WDR33: variants seen among roughly 807,000 people sequenced by gnomAD.
WDR33 encodes the protein pre-mRNA 3' end processing protein WDR33.
Under a neutral mutation model 164.9 loss-of-function variants are expected in WDR33, and 47 were observed. The observed-to-expected ratio is 0.29, with a 90% CI of 0.23 to 0.36. The LOEUF is 0.36. Ranked by LOEUF, WDR33 falls within the 10% of genes least tolerant of loss-of-function variation. The pLI, the probability that WDR33 is intolerant of heterozygous loss-of-function variation, is 1.00. For synonymous variants in WDR33, 505 were observed against 589.0 expected, an observed-to-expected ratio of 0.86 and a Z score of 2.06; for missense variants, 1,137 against 1,754.1, an observed-to-expected ratio of 0.65 and a Z score of 6.28.
Position 127,708,659 on chromosome 2 carries a change from C to T in WDR33, c.3781+18G>A. ...GCCCCTGCATCTCCTGGAACCATAA[C>T]CACTGGCCTGCTCTTACCTTTGCCT... is the stretch of plus-strand genomic sequence containing the variant. On this transcript the variant is annotated intron_variant, in intron 21 of 21. Transcript: ENST00000322313. The surrounding 1 kb of genome is among the most constrained non-coding windows in gnomAD (Gnocchi z 6.7). 1 of 1,572,732 alleles carries T rather than the reference C, an allele frequency of 6.4e-7. No homozygotes were observed. The highest frequency in any genetic ancestry group is 1.2e-5 in the South Asian group (1 of 85,390).
intron 1 of WDR33, among the ~76,000 whole-genome samples, chr2:127,777,179 T>C (rs1319466172): frequency 6.6e-6 from 1 of 152,222 alleles, no homozygotes; most frequent in Non-Finnish European, 1.5e-5. Context: ...AAACACTGAA[T>C]TCATCATGCC....
rs891230150 is a variant in WDR33, at chr2:127,773,254, A to C, written c.-23-2250T>G. 3.9e-5 allele frequency among the ~76,000 whole-genome samples: 6 copies of C among 152,180 alleles called. No individual in the cohort carries two copies. The East Asian group carries it at 1.2e-3, about 29-fold the overall frequency. On this transcript the variant is annotated intron_variant, in intron 1 of 21. Transcript: ENST00000322313. ...ACCAGAAAAGATTGTGGCCACCATT[A>C]TTTGTCTGTATTCTTAAAACTGCCT...
chr2:127,806,210 C>CTTTTTTTT (rs200197402), intron 1 of WDR33, among the ~76,000 whole-genome samples: 1 of 132,928 alleles, frequency 7.5e-6, no homozygotes, highest in African/African-American at 2.8e-5. Context: ...TTTTCTTTTT[C>CTTTTTTTT]TTTTTTTTTT....
At chr2:127,731,008 A>C (rs1686691762) in intron 7 of WDR33, among the ~76,000 whole-genome samples, 1 of 152,122 alleles carries the variant, frequency 6.6e-6, no homozygotes, top group Admixed American at 6.5e-5. Context: ...AATTAACAAA[A>C]ATTGATCAGG....
At chr2:127,771,987 G>A (rs182947972) in intron 1 of WDR33, among the ~76,000 whole-genome samples, 31 of 152,256 alleles carry the variant, frequency 2.0e-4, no homozygotes, top group Admixed American at 1.6e-3. Context: ...ACTGGGAATT[G>A]TTCACTTTTT....
chr2:127,777,625 G>A (rs756576155), intron 1 of WDR33, among the ~76,000 whole-genome samples: 3 of 152,158 alleles, frequency 2.0e-5, no homozygotes, highest in Non-Finnish European at 2.9e-5. Context: ...CTATACCAAC[G>A]TTATAATTCT....
chr2:127,798,192 A>C (rs1471092456), intron 1 of WDR33, among the ~76,000 whole-genome samples: 2 of 149,544 alleles, frequency 1.3e-5, no homozygotes, highest in African/African-American at 2.5e-5. Flanking sequence ...ACATGGTGAA[A>C]CCCTGTCTCT....
intron 7 of WDR33, among the ~76,000 whole-genome samples, chr2:127,740,686 G>A (rs1220775877): frequency 3.9e-5 from 6 of 152,158 alleles, no homozygotes; most frequent in African/African-American, 1.2e-4. Flanking sequence ...TTAAGAAATG[G>A]AAAAATGATG....
At chr2:127,707,239 AAAAAAAG>A (rs1347347585) in intron 21 of WDR33, among the ~76,000 whole-genome samples, 3 of 151,442 alleles carry the variant, frequency 2.0e-5, no homozygotes, top group Admixed American at 6.6e-5. Context: ...TAAAAAAAAA[AAAAAAAG>A]AAAAAAAAGA....
intron 7 of WDR33, among the ~76,000 whole-genome samples, chr2:127,756,164 T>C (rs1222985054): frequency 1.3e-5 from 2 of 151,980 alleles, no homozygotes; most frequent in Admixed American, 1.3e-4. Flanking sequence ...TGAAACGCTG[T>C]CTCCACTAAA....
At chr2:127,803,845 G>C (rs1217804996) in intron 1 of WDR33, among the ~76,000 whole-genome samples, 2 of 150,876 alleles carry the variant, frequency 1.3e-5, no homozygotes, top group East Asian at 3.9e-4. Flanking sequence ...GTGCTTGGGA[G>C]ACTGAGGTAG....
At chr2:127,761,126 T>C (rs906411403) in intron 7 of WDR33, among the ~76,000 whole-genome samples, 1 of 152,186 alleles carries the variant, frequency 6.6e-6, no homozygotes, top group Non-Finnish European at 1.5e-5. Context: ...CTTTTTAAAA[T>C]CCAAGCAGCA....
Position 127,722,765 on chromosome 2 carries a change from A to G in WDR33, c.1379-35T>C. ...TAAAGAAAAGTGGTTTGCCTCTTAA[A>G]TAAAAGAAATTGGCCACTTGATCAA... On this transcript the variant is annotated intron_variant, in intron 13 of 21. Coordinates refer to ENST00000322313, the MANE Select transcript of WDR33 (RefSeq NM_018383.5). This position sits in a 1 kb window ranked among gnomAD's most constrained non-coding sequence, Gnocchi z 5.1. The G allele has an allele frequency of 6.2e-7, 1 of 1,602,038 alleles. No individual in the cohort carries two copies. The highest frequency in any genetic ancestry group is 1.3e-5 in the African/African-American group (1 of 74,324).
In WDR33 at chr2:127,770,293, AG is replaced by A. The variant is rs1423272251; in HGVS notation, c.204+484del. 1.1e-4 allele frequency among the ~76,000 whole-genome samples: 16 copies of A among 152,246 alleles called. No individual in the cohort carries two copies. ...AATTTTATAAAGTATTAGTGGTTTG[AG>A]GTTCTTCCTAAATTAGCCAATTTGA... On this transcript the variant is annotated intron_variant, in intron 2 of 21. Coordinates refer to ENST00000322313, the MANE Select transcript of WDR33 (RefSeq NM_018383.5). The surrounding 1 kb of genome is among the most constrained non-coding windows in gnomAD (Gnocchi z 4.9).
chr2:127,722,579 A>G lies in WDR33; in HGVS notation c.1518+12T>C. ...CTCTCTGCGTGGATGAGGTGGAGTC[A>G]CTTTTACTTACCTGCTGGAACTGAG... On this transcript the variant is annotated intron_variant, in intron 14 of 21. Coordinates refer to ENST00000322313, the MANE Select transcript of WDR33 (RefSeq NM_018383.5). The surrounding 1 kb of genome is among the most constrained non-coding windows in gnomAD (Gnocchi z 5.1). 1 of 1,611,216 alleles carries G rather than the reference A, an allele frequency of 6.2e-7. No individual in the cohort carries two copies. The highest frequency in any genetic ancestry group is 8.5e-7 in the Non-Finnish European group (1 of 1,179,158).
chr2:127,778,538 G>A (rs1688265149), intron 1 of WDR33, among the ~76,000 whole-genome samples: 1 of 151,810 alleles, frequency 6.6e-6, no homozygotes, highest in Non-Finnish European at 1.5e-5. Flanking sequence ...CACACATTCT[G>A]TTCTCAAGAG....
rs1687971142 is a variant in WDR33 at position 127,770,661 on chromosome 2, G to C, written c.204+117C>G. 5.3e-6 allele frequency: 4 copies of C among 752,850 alleles called. No homozygotes were observed. The highest frequency in any genetic ancestry group is 8.9e-5 in the Admixed American group (2 of 22,362). 46.6% of individuals were successfully genotyped at this position (752,850 alleles called of 1,614,324 possible). ...AGCCAAAACCACACCACTGCACTCT[G>C]GCCTGGGCAACAAGAAAGAAACTCC... On this transcript the variant is annotated intron_variant, in intron 2 of 21. Coordinates refer to ENST00000322313, the MANE Select transcript of WDR33 (RefSeq NM_018383.5). This position sits in a 1 kb window ranked among gnomAD's most constrained non-coding sequence, Gnocchi z 4.9.
intron 21 of WDR33, among the ~76,000 whole-genome samples, chr2:127,707,229 TAAAAAAAA>T (rs200273049): frequency 3.3e-5 from 4 of 122,594 alleles, no homozygotes; most frequent in Non-Finnish European, 3.4e-5. Flanking sequence ...AGAATATATT[TAAAAAAAA>T]AAAAAAAAGA....
chr2:127,740,662 CT>C (rs756573030), intron 7 of WDR33, among the ~76,000 whole-genome samples: 1 of 152,232 alleles, frequency 6.6e-6, no homozygotes, highest in South Asian at 2.1e-4. Context: ...TAAAATTTAA[CT>C]ATGAAAGATG....
Sources: gnomAD v4.1 joint callset for allele counts (sites outside exome capture counted in the v4.1 genomes callset) on GRCh38, gnomAD v4.1.1 for gene constraint, Gnocchi (gnomAD v3.1) non-coding constraint, MANE v1.5 for transcripts, NCBI Gene and HGNC (gene_info 2026-07-23, HGNC 2026-07-21) for gene names.